The following PREX2 variants were observed in gnomAD, a reference collection of about 807,000 sequenced individuals.
PREX2 encodes phosphatidylinositol 3,4,5-trisphosphate-dependent Rac exchanger 2 protein.
A neutral mutation model predicts 203.2 loss-of-function variants in PREX2; 107 were observed. That is an observed-to-expected ratio of 0.53 (90% CI 0.45 to 0.62). The LOEUF (loss-of-function observed/expected upper bound fraction) is 0.62. Among genes scored for constraint, PREX2 ranks in the 20% least tolerant of loss-of-function variants. The pLI is 0.00. For synonymous variants in PREX2, 672 were observed against 663.6 expected (o/e 1.01, Z -0.19); for missense variants, 1,777 against 1,955.9 (o/e 0.91, Z 1.72).
At chr8:68,221,003 C>A (rs1253144426) in intron 38 of PREX2, among the ~76,000 whole-genome samples, 1 of 152,060 alleles carries the variant, frequency 6.6e-6, no homozygotes, top group African/African-American at 2.4e-5. Flanking sequence ...ATTTTTTAAT[C>A]CTATCCCCCT....
At chr8:68,062,425 C>T (rs967079733) in intron 11 of PREX2, among the ~76,000 whole-genome samples, 5 of 152,158 alleles carry the variant, frequency 3.3e-5, no homozygotes, top group Non-Finnish European at 5.9e-5. Context: ...CCATGACCTA[C>T]AACATCCGAT....
At chr8:68,017,620 A>G (rs963497020) in intron 1 of PREX2, among the ~76,000 whole-genome samples, 1 of 152,204 alleles carries the variant, frequency 6.6e-6, no homozygotes. Context: ...TTTAACTTAC[A>G]TATACTTGAT....
intron 4 of PREX2, 43 bp from the exon 5 acceptor site, chr8:68,027,177 TGA>T: frequency 7.2e-7 from 1 of 1,385,990 alleles, no homozygotes; most frequent in Non-Finnish European, 1.0e-6. Flanking sequence ...TTTCACAGCG[TGA>T]GATTATTAAA....
chr8:67,984,622 C>T (rs1159478800), intron 1 of PREX2, among the ~76,000 whole-genome samples: 1 of 152,152 alleles, frequency 6.6e-6, no homozygotes, highest in Admixed American at 6.5e-5. Flanking sequence ...CAAGCCAGGA[C>T]TTGTGGCAAT....
At chr8:67,998,418 A>G (rs894145547) in intron 1 of PREX2, among the ~76,000 whole-genome samples, 4 of 152,176 alleles carry the variant, frequency 2.6e-5, no homozygotes, top group African/African-American at 7.2e-5. Flanking sequence ...TGGCTGGTAC[A>G]TGTAAGCTTG....
At chr8:68,185,812 A>G (rs959129017) in intron 35 of PREX2, among the ~76,000 whole-genome samples, 4 of 148,550 alleles carry the variant, frequency 2.7e-5, no homozygotes, top group Admixed American at 2.7e-4. Flanking sequence ...GTATGCCAGC[A>G]TGAAAGGAAA....
In PREX2 at chr8:68,235,906, T is replaced by C. The variant is rs1046089630; in HGVS notation, c.*4528T>C. On this transcript the variant is annotated 3_prime_UTR_variant, in exon 40 of 40. Coordinates refer to ENST00000288368, the MANE Select transcript of PREX2 (RefSeq NM_024870.4). ...ATTGTTATGTAGACACAAGGCCTGCTTCACTCAGGATAGCTTGCTCCTCTC... is the reference window on the plus strand; with the variant it reads ...ATTGTTATGTAGACACAAGGCCTGCCTCACTCAGGATAGCTTGCTCCTCTC... 6.6e-6 allele frequency: 1 copy of C among 152,168 alleles called. No individual in the cohort carries two copies. Among genetic ancestry groups the C allele is most frequent in the African/African-American group, 2.4e-5 (1 of 41,452 alleles). 9.4% of individuals were successfully genotyped at this position (152,168 alleles called of 1,614,324 possible). A position where few individuals can be genotyped will look rare whatever the true frequency, so the allele number is the denominator to read the frequency against.
intron 14 of PREX2, among the ~76,000 whole-genome samples, chr8:68,073,009 T>C (rs576068523): frequency 6.6e-6 from 1 of 152,098 alleles, no homozygotes; most frequent in African/African-American, 2.4e-5. Flanking sequence ...CCTGTGTCCA[T>C]TTTAAAAAAG....
chr8:68,084,511 C>T (rs890985531), intron 18 of PREX2, among the ~76,000 whole-genome samples: 1 of 152,086 alleles, frequency 6.6e-6, no homozygotes, highest in Non-Finnish European at 1.5e-5. Context: ...AGTCAAAGTG[C>T]AGTGCAGTGG....
At chr8:68,106,200 C>A in intron 23 of PREX2, 1 of 423,330 alleles carries the variant, frequency 2.4e-6, no homozygotes, top group East Asian at 6.6e-5. Flanking sequence ...ATGCTGTTAC[C>A]TAATAACATT....
intron 30 of PREX2, among the ~76,000 whole-genome samples, chr8:68,123,122 T>G (rs1479082151): frequency 1.3e-5 from 2 of 152,126 alleles, no homozygotes; most frequent in Non-Finnish European, 2.9e-5. Flanking sequence ...CTCCAACTAT[T>G]ATTGTGTGGG....
At chr8:68,175,916 T>C (rs1406903274) in intron 35 of PREX2, among the ~76,000 whole-genome samples, 1 of 152,078 alleles carries the variant, frequency 6.6e-6, no homozygotes, top group Non-Finnish European at 1.5e-5. Context: ...TTAGTATATT[T>C]TCTTTTGTCT....
intron 35 of PREX2, 94 bp downstream of exon 35, chr8:68,157,530 T>C: frequency 1.9e-6 from 1 of 535,968 alleles, no homozygotes; most frequent in East Asian, 3.2e-5. Flanking sequence ...TATTAGATTA[T>C]TAATGACATT....
At chr8:68,061,892 T>C (rs1361397032) in intron 11 of PREX2, among the ~76,000 whole-genome samples, 2 of 152,112 alleles carry the variant, frequency 1.3e-5, no homozygotes, top group African/African-American at 4.8e-5. Context: ...AAGAAAGCAG[T>C]GTTAATGGGA....
intron 25 of PREX2, among the ~76,000 whole-genome samples, chr8:68,113,336 T>C (rs1485754672): frequency 6.6e-6 from 1 of 152,188 alleles, no homozygotes; most frequent in East Asian, 1.9e-4. Context: ...AAAAGATACA[T>C]AAGCACAGAG....
At chr8:68,068,908 G>T in intron 11 of PREX2, 125 bp from the exon 12 acceptor site, 1 of 448,324 alleles carries the variant, frequency 2.2e-6, no homozygotes. Flanking sequence ...TGTTAGAAAA[G>T]CAAATGCCTT....
At chr8:68,043,486 C>T (rs891009395) in intron 7 of PREX2, among the ~76,000 whole-genome samples, 6 of 152,054 alleles carry the variant, frequency 3.9e-5, no homozygotes, top group Admixed American at 6.6e-5. Flanking sequence ...TCTAACTGCA[C>T]GGGATAGGAA....
Position 68,080,456 on chromosome 8 carries a change from C to A in PREX2, c.1656C>A (p.Ser552Arg), listed in dbSNP as rs140138908. ...NGFMHHVLEK[S>R]EFKDEPLLFR... ...CTTTTTCTGTAGTCCTTGAAAAAAGCGAATTCAAAGATGAACCCCTACTTT... is the reference window on the plus strand; with the variant it reads ...CTTTTTCTGTAGTCCTTGAAAAAAGAGAATTCAAAGATGAACCCCTACTTT... Residue 552 changes from serine to arginine, a missense_variant, in exon 16 of 40, where the codon AGC becomes AGA. Ser to Arg is a moderately radical substitution (Grantham distance 110, BLOSUM62 -1). Coordinates refer to ENST00000288368, the MANE Select transcript of PREX2 (RefSeq NM_024870.4). The A allele has an allele frequency of 2.2e-5, 35 of 1,610,198 alleles. No individual in the cohort carries two copies. In the East Asian group the frequency reaches 7.4e-4, roughly 34 times the overall value.
chr8:67,976,826 A>G (rs72505499), intron 1 of PREX2, among the ~76,000 whole-genome samples: 8 of 132,570 alleles, frequency 6.0e-5, no homozygotes, highest in South Asian at 2.7e-4. Flanking sequence ...AGACAGAGAG[A>G]GAGAAGCCAA....
Sources: allele counts gnomAD v4.1 joint callset (sites outside exome capture counted in the v4.1 genomes callset), GRCh38; gene constraint gnomAD v4.1.1; transcripts MANE v1.5; gene names NCBI Gene and HGNC (gene_info 2026-07-23, HGNC 2026-07-21).